SPICE1: variants seen among roughly 807,000 people sequenced by gnomAD.
SPICE1 encodes the protein spindle and centriole associated protein 1.
A neutral mutation model predicts 102.7 loss-of-function variants in SPICE1; 75 were observed. The ratio of observed to expected loss-of-function variants is 0.73; its 90% CI spans 0.61 to 0.88. SPICE1 has a LOEUF of 0.88. SPICE1 is among the 40% of genes least tolerant of loss of function. The pLI is 0.00. For missense variants in SPICE1, 979 were observed against 1,020.1 expected (o/e 0.96, Z 0.55); for synonymous variants, 308 against 350.3 (o/e 0.88, Z 1.35).
chr3:113,494,370 G>A (rs1209331816), intron 4 of SPICE1, among the ~76,000 whole-genome samples: 2 of 152,102 alleles, frequency 1.3e-5, no homozygotes, highest in African/African-American at 2.4e-5. Flanking sequence ...ACAATTGGCC[G>A]GGCGCGGTGG....
rs1217808717 is a variant in SPICE1, at chr3:113,493,284, A to T, written c.414T>A (p.Asp138Glu). The change falls in exon 6 of 18, where the codon GAT (aspartate) becomes GAA (glutamate). Residue 138 changes from aspartate (D) to glutamate (E), a missense_variant. Asp to Glu is a conservative substitution (Grantham distance 45, BLOSUM62 2). Transcript: ENST00000295872. ...TGFPNVTVAP[D>E]SSQGPIVVNQ... ...TTACCACAATGGGACCCTGAGAGGA[A>T]TCAGGAGCCACTGTTACATTTGGAA... The T allele has an allele frequency of 1.2e-6, 2 of 1,613,896 alleles. No individual in the cohort carries two copies. Among genetic ancestry groups the T allele is most frequent in the African/African-American group, 2.7e-5 (2 of 74,920 alleles).
chr3:113,472,238 C>A (rs902155085), intron 7 of SPICE1, among the ~76,000 whole-genome samples: 1 of 152,230 alleles, frequency 6.6e-6, no homozygotes, highest in African/African-American at 2.4e-5. Flanking sequence ...GGGAGGGGCA[C>A]CCGCCATTGC....
intron 15 of SPICE1, 41 bp from the exon 16 acceptor site, chr3:113,448,181 T>A: frequency 4.7e-6 from 7 of 1,502,484 alleles, no homozygotes; most frequent in Non-Finnish European, 6.3e-6. Flanking sequence ...TACCTTTCAA[T>A]GAAATAAAAA....
chr3:113,483,682 T>A (rs183536992), intron 7 of SPICE1, among the ~76,000 whole-genome samples: 44 of 152,342 alleles, frequency 2.9e-4, no homozygotes, highest in African/African-American at 8.7e-4. Flanking sequence ...ATTACATTTA[T>A]TTTTTTGCAT....
In SPICE1 at chr3:113,490,079, G is replaced by A. The variant is rs149847034; in HGVS notation, c.493-1016C>T. Among the ~76,000 whole-genome samples the A allele has an allele frequency of 3.7e-3, 555 of 152,008 alleles. 4 individuals are homozygous for A. The highest frequency in any genetic ancestry group is 0.013 in the African/African-American group (526 of 41,464). On this transcript the variant is annotated intron_variant, in intron 6 of 17. Transcript: ENST00000295872. ...TTATTATCCAGTCTTATCTTGTTTG[G>A]TACAAACGTTACTCACAGGAAGTGC...
intron 5 of SPICE1, 90 bp downstream of exon 5, chr3:113,493,959 G>A (rs902857596): frequency 2.5e-6 from 2 of 801,358 alleles, no homozygotes; most frequent in East Asian, 2.6e-5. Flanking sequence ...TAAATAATAT[G>A]ATGCCTAAGA....
intron 6 of SPICE1, among the ~76,000 whole-genome samples, chr3:113,492,118 C>T (rs1297942191): frequency 6.6e-6 from 1 of 152,088 alleles, no homozygotes; most frequent in African/African-American, 2.4e-5. Context: ...ATTAAATTTC[C>T]AGCTATCTGA....
intron 13 of SPICE1, 45 bp from the exon 14 acceptor site, chr3:113,453,995 A>G (rs1035847119): frequency 6.7e-7 from 1 of 1,484,214 alleles, no homozygotes; most frequent in Non-Finnish European, 9.0e-7. Flanking sequence ...TTATTTTCCC[A>G]TAGATTGGCA....
rs150182407 is a variant in SPICE1, at chr3:113,483,555, C to T, written c.611+5390G>A. Among the ~76,000 whole-genome samples, 730 of 152,194 alleles carry T rather than the reference C, an allele frequency of 4.8e-3. 8 individuals carry two copies. The highest frequency in any genetic ancestry group is 0.017 in the African/African-American group (709 of 41,514). On this transcript the variant is annotated intron_variant, in intron 7 of 17. Transcript: ENST00000295872. ...CTTATTATTTTGAGATATGTTCCAC[C>T]GATACCTAGTTTATTGAATTTTTAG...
At chr3:113,493,536 A>G (rs937126885) in intron 5 of SPICE1, among the ~76,000 whole-genome samples, 1 of 152,242 alleles carries the variant, frequency 6.6e-6, no homozygotes, top group Non-Finnish European at 1.5e-5. Context: ...TTTACAGATC[A>G]GTAAACTGAA....
At chr3:113,453,257 A>G (rs983046578) in intron 14 of SPICE1, among the ~76,000 whole-genome samples, 4 of 152,232 alleles carry the variant, frequency 2.6e-5, no homozygotes, top group Admixed American at 2.0e-4. Flanking sequence ...TTTCATTTAT[A>G]TAATTTCCCT....
At position 113,445,125 on chromosome 3, in the gene SPICE1, G is replaced by T. The variant is rs1055685176; in HGVS notation, c.*182C>A. 2.2e-6 allele frequency: 1 copy of T among 464,096 alleles called. No individual in the cohort carries two copies. The highest frequency in any genetic ancestry group is 3.8e-6 in the Non-Finnish European group (1 of 265,602). 28.7% of individuals were successfully genotyped at this position (464,096 alleles called of 1,614,324 possible). A position where few individuals can be genotyped will look rare whatever the true frequency, so the allele number is the denominator to read the frequency against. ...TTCACAGGGAGCTGTAGGTCAGTTG[G>T]TTGTTGAAAACTTATTTGAGAAAGT... On this transcript the variant is annotated 3_prime_UTR_variant, in exon 18 of 18. Transcript: ENST00000295872.
rs1935479702 is a variant in SPICE1, at chr3:113,445,027, T to A, written c.*280A>T. 1 of 234,584 alleles carries A rather than the reference T, an allele frequency of 4.3e-6. No individual in the cohort carries two copies. Among genetic ancestry groups the A allele is most frequent in the Non-Finnish European group, 8.1e-6 (1 of 123,286 alleles). The allele number at this position is 234,584 out of a possible 1,614,324, so 14.5% of individuals were successfully genotyped here. On this transcript the variant is annotated 3_prime_UTR_variant, in exon 18 of 18. Coordinates refer to ENST00000295872, the MANE Select transcript of SPICE1 (RefSeq NM_144718.4). ...AAAGATAAAGGTAAAAATGTATTAA[T>A]AAAAAAAACCCTTAAAATACTTAAG...
chr3:113,504,134 A>C (rs113090318), intron 2 of SPICE1, among the ~76,000 whole-genome samples: 2 of 152,212 alleles, frequency 1.3e-5, no homozygotes, highest in African/African-American at 4.8e-5. Context: ...ACAACTCCAT[A>C]AGTTACCATT....
Position 113,460,768 on chromosome 3 carries a change from G to A in SPICE1, c.1288-4C>T, listed in dbSNP as rs780399143. The A allele has an allele frequency of 1.8e-5, 29 of 1,582,274 alleles. No individual in the cohort carries two copies. Among genetic ancestry groups the A allele is most frequent in the Non-Finnish European group, 2.4e-5 (28 of 1,168,316 alleles). ...CCATGTACTGCTGAAGTCTTGCCTG[G>A]GGAGGAAAACATATGAAATAATATT... is the stretch of plus-strand genomic sequence containing the variant. On this transcript the variant is annotated splice_region_variant and splice_polypyrimidine_tract_variant and intron_variant, in intron 11 of 17. Coordinates refer to ENST00000295872, the MANE Select transcript of SPICE1 (RefSeq NM_144718.4).
At chr3:113,514,377 C>A in intron 1 of SPICE1, 1 of 309,696 alleles carries the variant, frequency 3.2e-6, no homozygotes, top group South Asian at 2.6e-5. Flanking sequence ...TACCTAAATA[C>A]ATGGATAGAG....
chr3:113,446,797 G>A, intron 16 of SPICE1, 121 bp from the exon 17 acceptor site: 1 of 736,378 alleles, frequency 1.4e-6, no homozygotes, highest in Non-Finnish European at 2.4e-6. Flanking sequence ...GGCTAACTTA[G>A]GTCCAACGAG....
chr3:113,494,021 T>C lies in SPICE1; in HGVS notation c.385+28A>G, dbSNP rs552115302. On this transcript the variant is annotated intron_variant, in intron 5 of 17. Coordinates refer to ENST00000295872, the MANE Select transcript of SPICE1 (RefSeq NM_144718.4). ...CAACTGTGGGCTACAGTTAATAAAA[T>C]AGAGAAGCTTTTGTTTGAATTGAAT... is the stretch of plus-strand genomic sequence containing the variant. 20 of 1,494,512 alleles carry C rather than the reference T, an allele frequency of 1.3e-5. 1 individual carries two copies. In the South Asian group the frequency reaches 1.7e-4, roughly 12 times the overall value. 92.6% of individuals were successfully genotyped at this position (1,494,512 alleles called of 1,614,324 possible). A position where few individuals can be genotyped will look rare whatever the true frequency, so the allele number is the denominator to read the frequency against.
At chr3:113,511,306 C>G (rs1021103711) in intron 1 of SPICE1, among the ~76,000 whole-genome samples, 7 of 152,158 alleles carry the variant, frequency 4.6e-5, no homozygotes, top group East Asian at 1.9e-4. Context: ...AAGATACACA[C>G]ACATATATGT....
Sources: allele counts gnomAD v4.1 joint callset (sites outside exome capture counted in the v4.1 genomes callset), GRCh38; gene constraint gnomAD v4.1.1; transcripts MANE v1.5; gene names NCBI Gene and HGNC (gene_info 2026-07-23, HGNC 2026-07-21).